The following SEMA3A variants were observed in gnomAD, a reference collection of about 807,000 sequenced individuals.
SEMA3A encodes semaphorin-3A.
Under a neutral mutation model 97.9 loss-of-function variants are expected in SEMA3A, and 29 were observed. The ratio of observed to expected loss-of-function variants is 0.30; its 90% CI spans 0.22 to 0.40. SEMA3A has a LOEUF of 0.40. Among genes scored for constraint, SEMA3A ranks in the 10% least tolerant of loss-of-function variants. The pLI, the probability that SEMA3A is intolerant of heterozygous loss-of-function variation, is 1.00. For missense variants in SEMA3A, 763 were observed against 951.3 expected (o/e 0.80, Z 2.60); for synonymous variants, 321 against 323.7 (o/e 0.99, Z 0.09).
intron 6 of SEMA3A, among the ~76,000 whole-genome samples, chr7:84,018,692 C>T (rs929904524): frequency 3.3e-5 from 5 of 151,982 alleles, no homozygotes; most frequent in Non-Finnish European, 4.4e-5. Context: ...ACAGGAACAA[C>T]GGAGAAAGTT....
intron 12 of SEMA3A, among the ~76,000 whole-genome samples, chr7:84,000,608 T>C (rs1406724961): frequency 6.6e-6 from 1 of 152,148 alleles, no homozygotes; most frequent in Non-Finnish European, 1.5e-5. Flanking sequence ...CTCATTGTTT[T>C]ACTGATGGTG....
intron 2 of SEMA3A, among the ~76,000 whole-genome samples, chr7:84,313,144 C>T (rs1169838206): frequency 1.4e-5 from 2 of 144,230 alleles, no homozygotes; most frequent in Non-Finnish European, 3.0e-5. Context: ...TGGTCATTTT[C>T]TTTTAAAATA....
intron 3 of SEMA3A, among the ~76,000 whole-genome samples, chr7:84,294,840 C>A (rs185623876): frequency 3.3e-5 from 5 of 152,080 alleles, no homozygotes; most frequent in Admixed American, 1.3e-4. Context: ...TCAGAAAATA[C>A]TTCTGAGTTA....
At chr7:84,291,843 G>A (rs1470971244) in intron 3 of SEMA3A, among the ~76,000 whole-genome samples, 3 of 152,066 alleles carry the variant, frequency 2.0e-5, no homozygotes, top group Non-Finnish European at 2.9e-5. Context: ...ATTCCTTTGG[G>A]CAAAATAGTC....
chr7:84,472,150 T>C lies in SEMA3A; in HGVS notation c.-246+20310A>G, dbSNP rs371013317. Among the ~76,000 whole-genome samples the C allele has an allele frequency of 3.5e-4, 54 of 152,162 alleles. 3 individuals carry two copies. The South Asian group carries it at 8.1e-3, about 23-fold the overall frequency. On this transcript the variant is annotated intron_variant, in intron 1 of 3. Transcript: ENST00000424555. ...AGAAAAGCAGGCATGTGTGAGTGTATGTGATTACATGTCCATATAAGTAAA... is the reference window on the plus strand; with the variant it reads ...AGAAAAGCAGGCATGTGTGAGTGTACGTGATTACATGTCCATATAAGTAAA...
chr7:84,265,558 T>TTA (rs1361065415), intron 3 of SEMA3A, among the ~76,000 whole-genome samples: 1 of 148,042 alleles, frequency 6.8e-6, no homozygotes, highest in Non-Finnish European at 1.5e-5. Context: ...TTTATATGTA[T>TTA]TATATATATA....
chr7:84,010,985 C>T (rs1790852588), intron 9 of SEMA3A, 37 bp downstream of exon 9: 3 of 1,454,054 alleles, frequency 2.1e-6, no homozygotes, highest in Non-Finnish European at 2.8e-6. Context: ...ACCTAAATAA[C>T]ATTAAGTTTC....
intron 3 of SEMA3A, among the ~76,000 whole-genome samples, chr7:84,125,019 C>T (rs1434593623): frequency 6.6e-6 from 1 of 151,662 alleles, no homozygotes; most frequent in African/African-American, 2.4e-5. Flanking sequence ...TTGAGTAGAG[C>T]TGGAAGAAAA....
At chr7:84,066,121 C>T (rs143712601) in intron 4 of SEMA3A, among the ~76,000 whole-genome samples, 21,035 of 151,360 alleles carry the variant, frequency 0.14, 1,848 homozygotes, top group East Asian at 0.38. Context: ...TTAATATACG[C>T]GAATCAATAA....
At position 83,961,676 on chromosome 7, in the gene SEMA3A, C is replaced by T. The variant is rs2116248947; in HGVS notation, c.2011G>A (p.Glu671Lys). 1.2e-6 allele frequency: 2 copies of T among 1,613,848 alleles called. No individual in the cohort carries two copies. The highest frequency in any genetic ancestry group is 1.7e-6 in the Non-Finnish European group (2 of 1,179,872). ...LKVTLEVIDT[E>K]HLEELLHKDD... ...TTATGAAGAAGTTCTTCCAAATGCT[C>T]TGTGTCAATGACTTCCAGGGTTACC... is the stretch of plus-strand genomic sequence containing the variant. The change falls in exon 17 of 17, where the codon GAG becomes AAG. Residue 671 changes from glutamate (E) to lysine (K), a missense_variant. By Grantham distance (56) the Glu-to-Lys change is moderately conservative (BLOSUM62 1). Coordinates refer to ENST00000265362, the MANE Select transcript of SEMA3A (RefSeq NM_006080.3).
At chr7:84,100,831 T>C (rs186285795) in intron 4 of SEMA3A, among the ~76,000 whole-genome samples, 244 of 152,338 alleles carry the variant, frequency 1.6e-3, no homozygotes, top group Non-Finnish European at 9.7e-4. Context: ...GAAACATAGA[T>C]ATGAATGTTA....
rs899206493 is a variant in SEMA3A, at chr7:84,339,561, G to C, written c.-169+32263C>G. Among the ~76,000 whole-genome samples, 4 of 152,074 alleles carry C rather than the reference G, an allele frequency of 2.6e-5. No individual in the cohort carries two copies. In the East Asian group the frequency reaches 7.7e-4, roughly 29 times the overall value. On this transcript the variant is annotated intron_variant, in intron 2 of 3. Coordinates refer to the SEMA3A transcript ENST00000424555. ...TTGGCAAGAACTGTGGAAAGGGTAT[G>C]GTGACTTAAAGAATGTTTGCAAAAC...
At chr7:84,141,398 T>C (rs1346878955) in intron 1 of SEMA3A, among the ~76,000 whole-genome samples, 3 of 152,164 alleles carry the variant, frequency 2.0e-5, no homozygotes, top group Non-Finnish European at 4.4e-5. Context: ...TTGTATTTGT[T>C]GATGTTCTGT....
At chr7:84,463,866 A>G (rs192474653) in intron 1 of SEMA3A, among the ~76,000 whole-genome samples, 1 of 152,218 alleles carries the variant, frequency 6.6e-6, no homozygotes, top group Non-Finnish European at 1.5e-5. Flanking sequence ...CAATATAATT[A>G]TATACTTTTT....
At chr7:84,188,167 G>A (rs1004809487) in intron 1 of SEMA3A, among the ~76,000 whole-genome samples, 3 of 151,996 alleles carry the variant, frequency 2.0e-5, no homozygotes, top group Non-Finnish European at 4.4e-5. Context: ...AAAATGTGTG[G>A]TTCCTTTAAA....
At chr7:83,981,796 T>C (rs1021498492) in intron 13 of SEMA3A, among the ~76,000 whole-genome samples, 5 of 152,204 alleles carry the variant, frequency 3.3e-5, no homozygotes, top group African/African-American at 1.2e-4. Flanking sequence ...TTTGCTTTTT[T>C]ACCTTTACTG....
intron 2 of SEMA3A, among the ~76,000 whole-genome samples, chr7:84,319,844 T>G (rs1271917725): frequency 2.0e-5 from 3 of 152,196 alleles, no homozygotes; most frequent in African/African-American, 7.2e-5. Flanking sequence ...ATCACAAATT[T>G]GTGTTTTTCA....
intron 1 of SEMA3A, among the ~76,000 whole-genome samples, chr7:84,452,553 C>G (rs1459216530): frequency 6.6e-6 from 1 of 152,130 alleles, no homozygotes; most frequent in African/African-American, 2.4e-5. Context: ...TGCTTCTTTT[C>G]CAAACCTACA....
Position 84,473,391 on chromosome 7 carries a change from A to T in SEMA3A, c.-246+19069T>A, listed in dbSNP as rs143148895. Reference sequence around the variant, plus strand: ...ATTTTTGTATTATTATTATTATTATAATATTATTATTATTATTATTTGCGA... The same window carrying T: ...ATTTTTGTATTATTATTATTATTATTATATTATTATTATTATTATTTGCGA... On this transcript the variant is annotated intron_variant, in intron 1 of 3. Coordinates refer to the SEMA3A transcript ENST00000424555. Among the ~76,000 whole-genome samples, 2,107 of 148,034 alleles carry T rather than the reference A, an allele frequency of 0.014. 94 individuals carry two copies. In the East Asian group the frequency reaches 0.16, roughly 12 times the overall value.
Sources: allele counts gnomAD v4.1 joint callset (sites outside exome capture counted in the v4.1 genomes callset), GRCh38; gene constraint gnomAD v4.1.1; transcripts MANE v1.5; gene names NCBI Gene and HGNC (gene_info 2026-07-23, HGNC 2026-07-21).